ZNF804B: variants seen among roughly 807,000 people sequenced by gnomAD.
ZNF804B encodes the protein zinc finger protein 804B, also known as zinc finger 804B.
In ZNF804B, 80 loss-of-function variants were observed where a neutral mutation model predicts 101.4. The ratio of observed to expected loss-of-function variants is 0.79; its 90% confidence interval spans 0.66 to 0.95. The LOEUF is 0.95. Among genes scored for constraint, ZNF804B ranks in the 40% least tolerant of loss-of-function variants. The pLI is 0.00. For missense variants in ZNF804B, 1,673 were observed against 1,561.9 expected, an observed-to-expected ratio of 1.07 and a Z score of -1.20; for synonymous variants, 622 against 558.8, an observed-to-expected ratio of 1.11 and a Z score of -1.59.
chr7:89,151,310 A>T (rs1189001311), intron 1 of ZNF804B, among the ~76,000 whole-genome samples: 1 of 152,052 alleles, frequency 6.6e-6, no homozygotes, highest in African/African-American at 2.4e-5. Context: ...CTTTTATTTT[A>T]TTAGAAACTT....
At chr7:89,150,337 A>G (rs1269009128) in intron 1 of ZNF804B, among the ~76,000 whole-genome samples, 1 of 152,054 alleles carries the variant, frequency 6.6e-6, no homozygotes, top group African/African-American at 2.4e-5. Context: ...TTGCCCCACT[A>G]GAAAACCTGA....
At chr7:88,902,829 A>G (rs2115956609) in intron 1 of ZNF804B, among the ~76,000 whole-genome samples, 1 of 152,286 alleles carries the variant, frequency 6.6e-6, no homozygotes, top group East Asian at 1.9e-4. Flanking sequence ...AATAAGAAAC[A>G]AATGCAGTAA....
intron 1 of ZNF804B, among the ~76,000 whole-genome samples, chr7:88,969,416 A>T (rs1320208396): frequency 6.6e-6 from 1 of 151,682 alleles, no homozygotes; most frequent in East Asian, 2.0e-4. Flanking sequence ...CCATGTTACA[A>T]CTAATAGCCT....
chr7:89,325,853 A>T (rs1446813128), intron 2 of ZNF804B, among the ~76,000 whole-genome samples: 1 of 151,940 alleles, frequency 6.6e-6, no homozygotes, highest in Non-Finnish European at 1.5e-5. Flanking sequence ...CAGTTGTACT[A>T]TAGTTTATGT....
At chr7:88,765,693 T>C (rs183787209) in intron 1 of ZNF804B, among the ~76,000 whole-genome samples, 1 of 152,156 alleles carries the variant, frequency 6.6e-6, no homozygotes, top group South Asian at 2.1e-4. Context: ...ACAAATGTAG[T>C]TTTTCATAAA....
At chr7:88,871,943 G>A (rs1791829324) in intron 1 of ZNF804B, among the ~76,000 whole-genome samples, 1 of 152,030 alleles carries the variant, frequency 6.6e-6, no homozygotes, top group South Asian at 2.1e-4. Flanking sequence ...ACTCCAGCCT[G>A]GGCAACAAGG....
chr7:89,309,745 G>T (rs1295559338), intron 2 of ZNF804B, among the ~76,000 whole-genome samples: 2 of 110,748 alleles, frequency 1.8e-5, no homozygotes, highest in Non-Finnish European at 3.4e-5. Flanking sequence ...GGGCTACAGA[G>T]TGAGACCCTG....
chr7:89,168,916 C>G (rs1791185097), intron 1 of ZNF804B, among the ~76,000 whole-genome samples: 1 of 152,046 alleles, frequency 6.6e-6, no homozygotes, highest in Non-Finnish European at 1.5e-5. Context: ...GGCAGGAAGC[C>G]TTTTGTTCTC....
At chr7:89,065,173 C>G (rs1410216449) in intron 1 of ZNF804B, among the ~76,000 whole-genome samples, 1 of 152,132 alleles carries the variant, frequency 6.6e-6, no homozygotes, top group African/African-American at 2.4e-5. Context: ...GTCATGTGAG[C>G]AAGTAAACTA....
chr7:89,237,026 G>C (rs1789293191), intron 2 of ZNF804B, among the ~76,000 whole-genome samples: 1 of 151,914 alleles, frequency 6.6e-6, no homozygotes, highest in African/African-American at 2.4e-5. Flanking sequence ...TAAACACTTA[G>C]AATTTAGTAA....
chr7:88,794,044 T>G, intron 1 of ZNF804B: 1 of 625,678 alleles, frequency 1.6e-6, no homozygotes, highest in Non-Finnish European at 2.6e-6. Flanking sequence ...ACATACTCTA[T>G]AAAGATTAAT....
chr7:89,045,129 A>C (rs1789085430), intron 1 of ZNF804B, among the ~76,000 whole-genome samples: 1 of 152,212 alleles, frequency 6.6e-6, no homozygotes, highest in Admixed American at 6.5e-5. Flanking sequence ...ATCTCAGGCC[A>C]TTGCTTCAGA....
intron 1 of ZNF804B, among the ~76,000 whole-genome samples, chr7:88,917,264 C>G (rs1215299010): frequency 6.7e-6 from 1 of 149,264 alleles, no homozygotes; most frequent in African/African-American, 2.5e-5. Flanking sequence ...GACTCTGTCT[C>G]AAAAAAAAAC....
At chr7:89,275,165 A>G (rs1789960345) in intron 2 of ZNF804B, among the ~76,000 whole-genome samples, 1 of 151,988 alleles carries the variant, frequency 6.6e-6, no homozygotes, top group Admixed American at 6.6e-5. Flanking sequence ...AAGGAAGTGG[A>G]AAGTTCAGCC....
At chr7:89,262,443 A>G (rs1488778242) in intron 2 of ZNF804B, among the ~76,000 whole-genome samples, 1 of 152,174 alleles carries the variant, frequency 6.6e-6, no homozygotes, top group Non-Finnish European at 1.5e-5. Flanking sequence ...TGGGTAAGTT[A>G]ATTACTTTCT....
At chr7:89,312,197 G>C (rs1320968212) in intron 2 of ZNF804B, among the ~76,000 whole-genome samples, 1 of 152,098 alleles carries the variant, frequency 6.6e-6, no homozygotes, top group Admixed American at 6.6e-5. Context: ...CACATTTTCA[G>C]CTTCTCCTAA....
rs972888046 is a variant in ZNF804B, at chr7:88,883,827, A to G, written c.108+123743A>G. Among the ~76,000 whole-genome samples the G allele has an allele frequency of 4.5e-5, 5 of 111,598 alleles. No individual in the cohort carries two copies. In the Admixed American group the frequency reaches 4.5e-4, roughly 10 times the overall value. 73.2% of individuals were successfully genotyped at this position (111,598 alleles called of 152,430 possible). On this transcript the variant is annotated intron_variant, in intron 1 of 3. Coordinates refer to ENST00000333190, the MANE Select transcript of ZNF804B (RefSeq NM_181646.5). ...ATGTGTGTATGTGTGTGTTTAAGTA[A>G]TAGTGTAGTTAATGCTAGTGTTGGT...
At chr7:89,178,634 T>C (rs1788241249) in intron 1 of ZNF804B, among the ~76,000 whole-genome samples, 1 of 152,152 alleles carries the variant, frequency 6.6e-6, no homozygotes, top group South Asian at 2.1e-4. Context: ...TCTTGAAAAG[T>C]TGTCACAGTT....
intron 1 of ZNF804B, among the ~76,000 whole-genome samples, chr7:89,011,390 G>A (rs1376774842): frequency 6.6e-6 from 1 of 152,050 alleles, no homozygotes; most frequent in Non-Finnish European, 1.5e-5. Context: ...AAACACAATG[G>A]TGCCCTACAA....
Sources: gnomAD v4.1 joint callset for allele counts (sites outside exome capture counted in the v4.1 genomes callset) on GRCh38, gnomAD v4.1.1 for gene constraint, MANE v1.5 for transcripts, NCBI Gene and HGNC (gene_info 2026-07-23, HGNC 2026-07-21) for gene names.